HIVEP3: variants seen among roughly 807,000 people sequenced by gnomAD.
HIVEP3 encodes transcription factor HIVEP3.
Under a neutral mutation model 152.8 loss-of-function variants are expected in HIVEP3, and 49 were observed. The ratio of observed to expected loss-of-function variants is 0.32; its 90% CI spans 0.26 to 0.41. HIVEP3 has a LOEUF of 0.41. Ranked by LOEUF, HIVEP3 falls within the 10% of genes least tolerant of loss-of-function variation. The pLI, the probability that HIVEP3 is intolerant of heterozygous loss-of-function variation, is 1.00. For synonymous variants in HIVEP3, 1,269 were observed against 1,289.0 expected, an observed-to-expected ratio of 0.98 and a Z score of 0.33; for missense variants, 2,790 against 3,103.3, an observed-to-expected ratio of 0.90 and a Z score of 2.40.
intron 3 of HIVEP3, among the ~76,000 whole-genome samples, chr1:41,617,537 G>T (rs547973817): frequency 6.6e-6 from 1 of 152,226 alleles, no homozygotes; most frequent in East Asian, 1.9e-4. Flanking sequence ...TGCTCCTGAG[G>T]GCTGGTCCAG....
intron 1 of HIVEP3, among the ~76,000 whole-genome samples, chr1:41,966,478 T>TTTTTTTTTTTTTC (rs1645198652): frequency 7.9e-6 from 1 of 125,826 alleles, no homozygotes; most frequent in Non-Finnish European, 1.7e-5. Flanking sequence ...CTGTATTCTT[T>TTTTTTTTTTTTTC]TTTTTTTTTT....
intron 5 of HIVEP3, among the ~76,000 whole-genome samples, chr1:41,530,062 C>T (rs72669024): frequency 0.045 from 6,790 of 152,166 alleles, 216 homozygotes; most frequent in Middle Eastern, 0.099. Flanking sequence ...CACACTCACC[C>T]TCACCTCACA....
chr1:41,587,231 A>G (rs899462665), intron 3 of HIVEP3, among the ~76,000 whole-genome samples: 2 of 152,222 alleles, frequency 1.3e-5, no homozygotes, highest in African/African-American at 2.4e-5. Context: ...ATTCAATGAC[A>G]TCCCTCTAGT....
chr1:41,763,324 C>T (rs537393239), intron 1 of HIVEP3, among the ~76,000 whole-genome samples: 3 of 152,266 alleles, frequency 2.0e-5, no homozygotes, highest in African/African-American at 7.2e-5. Flanking sequence ...TGCCCAGCTG[C>T]CGTCCCCCTC....
chr1:41,679,128 T>C (rs147008090), intron 2 of HIVEP3, among the ~76,000 whole-genome samples: 1 of 152,330 alleles, frequency 6.6e-6, no homozygotes, highest in African/African-American at 2.4e-5. Flanking sequence ...ACCCTTGCCA[T>C]GGAGGCAGAG....
At chr1:41,666,641 C>T (rs1229717902) in intron 2 of HIVEP3, among the ~76,000 whole-genome samples, 2 of 152,118 alleles carry the variant, frequency 1.3e-5, no homozygotes, top group Non-Finnish European at 2.9e-5. Context: ...TTCTCAAGCC[C>T]GAAGCCAGAA....
Position 41,620,107 on chromosome 1 carries a change from G to C in HIVEP3, c.-522+8642C>G, listed in dbSNP as rs16828500. On this transcript the variant is annotated intron_variant, in intron 3 of 8. Transcript: ENST00000372583. ...GTGCTAAGGCAGACACAGGAGAAGA[G>C]GACAAAGGCTTGGGAGCACTGAAAC... is the stretch of plus-strand genomic sequence containing the variant. Among the ~76,000 whole-genome samples the C allele has an allele frequency of 5.2e-3, 796 of 152,284 alleles. 21 individuals are homozygous for C. The East Asian group carries it at 0.077, about 15-fold the overall frequency.
intron 2 of HIVEP3, among the ~76,000 whole-genome samples, chr1:41,671,857 G>A (rs1645882032): frequency 6.6e-6 from 1 of 152,222 alleles, no homozygotes; most frequent in African/African-American, 2.4e-5. Context: ...GAGTGGGTAG[G>A]TATTTATCAG....
At chr1:41,976,893 C>G (rs1414341245) in intron 1 of HIVEP3, among the ~76,000 whole-genome samples, 1 of 152,170 alleles carries the variant, frequency 6.6e-6, no homozygotes, top group Non-Finnish European at 1.5e-5. Context: ...TGAGAGGGAG[C>G]ACGGCCTTGT....
chr1:41,776,459 A>G (rs1648709899), intron 1 of HIVEP3, among the ~76,000 whole-genome samples: 1 of 152,176 alleles, frequency 6.6e-6, no homozygotes. Context: ...TCCTTGAGAT[A>G]ATCTCTTTCC....
chr1:41,969,245 T>C (rs1645215885), intron 1 of HIVEP3, among the ~76,000 whole-genome samples: 3 of 152,174 alleles, frequency 2.0e-5, no homozygotes, highest in Admixed American at 2.0e-4. Context: ...AGAGCCTATA[T>C]AGCCAAGACA....
chr1:41,926,002 T>C (rs1644966537), intron 1 of HIVEP3, among the ~76,000 whole-genome samples: 1 of 152,136 alleles, frequency 6.6e-6, no homozygotes, highest in Non-Finnish European at 1.5e-5. Flanking sequence ...CCTTCCTTTT[T>C]CCTTTTGCCA....
chr1:41,708,647 T>C lies in HIVEP3; in HGVS notation c.-800-7652A>G, dbSNP rs373236333. Reference sequence around the variant, plus strand: ...CAATTCCGTAAGATTCTCATTATCCTTCTGATATATTCCCTCTTTGCTTAA... The same window carrying C: ...CAATTCCGTAAGATTCTCATTATCCCTCTGATATATTCCCTCTTTGCTTAA... On this transcript the variant is annotated intron_variant, in intron 1 of 8. Coordinates refer to ENST00000372583, the MANE Select transcript of HIVEP3 (RefSeq NM_024503.5). Among the ~76,000 whole-genome samples the C allele has an allele frequency of 9.8e-5, 15 of 152,362 alleles. No homozygotes were observed. The East Asian group carries it at 2.9e-3, about 29-fold the overall frequency.
intron 2 of HIVEP3, among the ~76,000 whole-genome samples, chr1:41,684,420 G>T (rs1372663193): frequency 1.3e-5 from 2 of 152,218 alleles, no homozygotes; most frequent in Non-Finnish European, 2.9e-5. Flanking sequence ...CCTCTCCAGG[G>T]TCTCCAGCGA....
chr1:41,588,372 G>A (rs188318784), intron 3 of HIVEP3, among the ~76,000 whole-genome samples: 4 of 152,318 alleles, frequency 2.6e-5, no homozygotes, highest in Admixed American at 2.6e-4. Flanking sequence ...TGACTGGGTG[G>A]TGAAATGATC....
intron 1 of HIVEP3, among the ~76,000 whole-genome samples, chr1:41,901,737 G>A (rs922907418): frequency 1.3e-5 from 2 of 152,262 alleles, no homozygotes; most frequent in Non-Finnish European, 2.9e-5. Context: ...GGGCTGAAGC[G>A]GAGGAGGGAG....
At chr1:41,972,157 C>T (rs1321301130) in intron 1 of HIVEP3, among the ~76,000 whole-genome samples, 2 of 152,228 alleles carry the variant, frequency 1.3e-5, no homozygotes, top group Non-Finnish European at 1.5e-5. Flanking sequence ...TCACCAAGTT[C>T]ACCACTCCTC....
At chr1:41,689,663 C>A (rs556733341) in intron 2 of HIVEP3, among the ~76,000 whole-genome samples, 6 of 152,316 alleles carry the variant, frequency 3.9e-5, no homozygotes, top group African/African-American at 1.4e-4. Context: ...GTGTGGGCAT[C>A]TGAGTAGAAG....
chr1:41,513,637 C>T lies in HIVEP3; in HGVS notation c.5584G>A (p.Asp1862Asn). ...DSDSDSDLDE[D>N]EDEDEEESQD... ...CTCTCCTCCTCATCCTCATCCTCGT[C>T]TTCGTCCAGGTCTGAGTCTGAGTCC... The change falls in exon 8 of 9, where the codon GAC becomes AAC. Residue 1862 changes from aspartate (D) to asparagine (N), a missense_variant. Asp to Asn is a conservative substitution (Grantham distance 23). Transcript: ENST00000372583. 3.1e-6 allele frequency: 5 copies of T among 1,614,008 alleles called. No individual in the cohort carries two copies. The South Asian group carries it at 5.5e-5, about 18-fold the overall frequency.
Sources: allele counts gnomAD v4.1 joint callset (sites outside exome capture counted in the v4.1 genomes callset), GRCh38; gene constraint gnomAD v4.1.1; transcripts MANE v1.5; gene names NCBI Gene and HGNC (gene_info 2026-07-23, HGNC 2026-07-21).